Variants in CACNB2 observed in about 807,000 individuals in gnomAD.
CACNB2 encodes calcium voltage-gated channel auxiliary subunit beta 2, also known as voltage-dependent L-type calcium channel subunit beta-2.
CACNB2 carries 42 observed loss-of-function variants against 73.3 expected under a neutral mutation model. The ratio of observed to expected loss-of-function variants is 0.57; its 90% CI spans 0.45 to 0.74. The LOEUF is 0.74. Ranked by LOEUF, CACNB2 falls within the 30% of genes least tolerant of loss-of-function variation. The probability of loss-of-function intolerance (pLI) is 0.00; values close to 1 mark genes in which losing one functional copy is unlikely to be tolerated. For missense variants in CACNB2, 940 were observed against 853.0 expected, an observed-to-expected ratio of 1.10 and a Z score of -1.27; for synonymous variants, 348 against 310.3, an observed-to-expected ratio of 1.12 and a Z score of -1.28.
chr10:18,357,614 A>T (rs902107929), intron 2 of CACNB2, among the ~76,000 whole-genome samples: 1 of 152,240 alleles, frequency 6.6e-6, no homozygotes, highest in African/African-American at 2.4e-5. Flanking sequence ...AAAATTCAGT[A>T]TATTTTACAA....
intron 2 of CACNB2, among the ~76,000 whole-genome samples, chr10:18,353,269 G>T (rs1335679744): frequency 1.3e-5 from 2 of 152,076 alleles, no homozygotes; most frequent in African/African-American, 4.8e-5. Context: ...AATTAGCCGG[G>T]CACAGTGGTG....
rs565307352 is a variant in CACNB2, at chr10:18,248,941, G to T, written c.213+97966G>T. Among the ~76,000 whole-genome samples the T allele has an allele frequency of 2.0e-5, 3 of 152,170 alleles. No homozygotes were observed. In the South Asian group the frequency reaches 6.2e-4, roughly 32 times the overall value. On this transcript the variant is annotated intron_variant, in intron 2 of 13. Transcript: ENST00000324631. The stretch of plus-strand genomic sequence containing the variant: ...ATAGTGGGGGAAAAAGACCACTCTG[G>T]GCACTGTTTTACTGGAAGTTCATGA...
intron 2 of CACNB2, among the ~76,000 whole-genome samples, chr10:18,240,489 C>T (rs976842838): frequency 1.3e-4 from 20 of 152,114 alleles, no homozygotes; most frequent in Admixed American, 2.6e-4. Flanking sequence ...CCAGGTCGCT[C>T]ACTATTAATC....
Position 18,382,089 on chromosome 10 carries a change from G to C in CACNB2, c.214-19835G>C, listed in dbSNP as rs143680080. On this transcript the variant is annotated intron_variant, in intron 2 of 13. Transcript: ENST00000324631. ...AATGTGTTATAAATGATATATGGTGGACCTCTGATGTTCATGTGTGTTTTT... is the reference window on the plus strand; with the variant it reads ...AATGTGTTATAAATGATATATGGTGCACCTCTGATGTTCATGTGTGTTTTT... Among the ~76,000 whole-genome samples, 5 of 152,052 alleles carry C rather than the reference G, an allele frequency of 3.3e-5. No individual in the cohort carries two copies. In the East Asian group the frequency reaches 9.6e-4, roughly 29 times the overall value.
At chr10:18,426,125 A>C (rs1351867822) in intron 3 of CACNB2, among the ~76,000 whole-genome samples, 1 of 152,248 alleles carries the variant, frequency 6.6e-6, no homozygotes, top group East Asian at 1.9e-4. Context: ...GTCCAACAAA[A>C]AAAGAAAAAG....
intron 1 of CACNB2, among the ~76,000 whole-genome samples, chr10:18,142,039 G>A (rs765537386): frequency 3.5e-4 from 54 of 152,182 alleles, no homozygotes; most frequent in Non-Finnish European, 7.3e-4. Context: ...GGGCAGGAGT[G>A]TGACAAGCTA....
At chr10:18,533,472 A>ATACTT (rs2053264354) in intron 10 of CACNB2, 2 of 153,018 alleles carry the variant, frequency 1.3e-5, no homozygotes, top group South Asian at 2.1e-4. Flanking sequence ...TATAAATTTT[A>ATACTT]TACTTTAGAT....
intron 2 of CACNB2, among the ~76,000 whole-genome samples, chr10:18,210,694 T>A (rs1052971262): frequency 1.3e-5 from 2 of 152,198 alleles, no homozygotes; most frequent in Non-Finnish European, 2.9e-5. Context: ...TATAGTAACA[T>A]TAATGTGTCT....
intron 2 of CACNB2, among the ~76,000 whole-genome samples, chr10:18,400,008 C>A (rs952357378): frequency 4.6e-5 from 7 of 152,174 alleles, no homozygotes; most frequent in Non-Finnish European, 8.8e-5. Context: ...ATGGTTATAA[C>A]AATTCACACT....
intron 2 of CACNB2, among the ~76,000 whole-genome samples, chr10:18,219,063 G>C (rs1388710427): frequency 6.6e-6 from 1 of 152,138 alleles, no homozygotes; most frequent in African/African-American, 2.4e-5. Context: ...TGCTTCAGAG[G>C]CTGAAGTAGG....
At chr10:18,427,519 T>G (rs2045669304) in intron 3 of CACNB2, among the ~76,000 whole-genome samples, 1 of 152,188 alleles carries the variant, frequency 6.6e-6, no homozygotes, top group African/African-American at 2.4e-5. Flanking sequence ...TTCTTTGTTT[T>G]GATCTCTCTT....
chr10:18,315,239 C>T (rs756042824), intron 2 of CACNB2, among the ~76,000 whole-genome samples: 4 of 152,018 alleles, frequency 2.6e-5, no homozygotes, highest in Non-Finnish European at 4.4e-5. Context: ...GAGGCTGAAA[C>T]AGGAGAATTG....
chr10:18,211,386 T>C (rs1369091318), intron 2 of CACNB2, among the ~76,000 whole-genome samples: 2 of 152,140 alleles, frequency 1.3e-5, no homozygotes, highest in Admixed American at 1.3e-4. Context: ...TATTTTTAAA[T>C]ATTTATCATT....
At chr10:18,258,571 C>A (rs1193592316) in intron 2 of CACNB2, among the ~76,000 whole-genome samples, 1 of 151,950 alleles carries the variant, frequency 6.6e-6, no homozygotes, top group Admixed American at 6.6e-5. Flanking sequence ...ACTAAAAATA[C>A]AAAAATTTAG....
chr10:18,251,860 A>G (rs368068641), intron 2 of CACNB2, among the ~76,000 whole-genome samples: 1 of 152,082 alleles, frequency 6.6e-6, no homozygotes, highest in Non-Finnish European at 1.5e-5. Context: ...GCAAGGGGGA[A>G]ATCTGCCCCC....
At chr10:18,169,443 G>T (rs1384709506) in intron 2 of CACNB2, among the ~76,000 whole-genome samples, 2 of 152,066 alleles carry the variant, frequency 1.3e-5, no homozygotes, top group African/African-American at 2.4e-5. Flanking sequence ...AATAAAGATT[G>T]CCCATTACCT....
intron 2 of CACNB2, among the ~76,000 whole-genome samples, chr10:18,175,997 G>C (rs2033567836): frequency 6.6e-6 from 1 of 152,242 alleles, no homozygotes; most frequent in African/African-American, 2.4e-5. Context: ...CCTGAGAGCA[G>C]TGAGTACTTG....
chr10:18,428,706 A>G (rs1161568185), intron 3 of CACNB2, among the ~76,000 whole-genome samples: 4 of 139,798 alleles, frequency 2.9e-5, no homozygotes. Flanking sequence ...AAAAAAAAAA[A>G]GGAATGATTT....
At position 18,539,587 on chromosome 10, in the gene CACNB2, C is replaced by T; in HGVS notation, c.1846C>T (p.Gln616Ter). ...RHRSRDVDRE[Q>*]DHNECNKQRS... is the part of the protein sequence containing the mutation. ...CCGTTCCCGGGACGTGGATCGAGAG[C>T]AGGACCACAACGAGTGCAACAAGCA... The change falls in exon 14 of 14, where the codon CAG becomes TAG. Residue 616 changes from glutamine to a stop codon, truncating the protein, a stop_gained. Transcript: ENST00000324631. LOFTEE classifies it high-confidence loss of function. 6.2e-7 allele frequency: 1 copy of T among 1,613,808 alleles called. No homozygotes were observed. Among genetic ancestry groups the T allele is most frequent in the Non-Finnish European group, 8.5e-7 (1 of 1,179,942 alleles).
Sources: gnomAD v4.1 joint callset for allele counts (sites outside exome capture counted in the v4.1 genomes callset) on GRCh38, gnomAD v4.1.1 for gene constraint, MANE v1.5 for transcripts, NCBI Gene and HGNC (gene_info 2026-07-23, HGNC 2026-07-21) for gene names.